PITPNC1: variants seen among roughly 807,000 people sequenced by gnomAD.
The protein encoded by PITPNC1 is phosphatidylinositol transfer protein cytoplasmic 1, also known as cytoplasmic phosphatidylinositol transfer protein 1.
A neutral mutation model predicts 44.7 loss-of-function variants in PITPNC1; 18 were observed. That is an observed-to-expected ratio of 0.40 (90% CI 0.28 to 0.60). The LOEUF is 0.60. PITPNC1 is among the 20% of genes least tolerant of loss of function. PITPNC1 has a pLI of 0.39. For missense variants in PITPNC1, 290 were observed against 418.4 expected (o/e 0.69, Z 2.68); for synonymous variants, 141 against 149.6 (o/e 0.94, Z 0.42).
chr17:67,459,113 CTTTTTTTTTT>C (rs886333854), intron 1 of PITPNC1, among the ~76,000 whole-genome samples: 2 of 95,732 alleles, frequency 2.1e-5, no homozygotes, highest in South Asian at 6.8e-4. Context: ...TTTTCTTTTT[CTTTTTTTTTT>C]TTTTTTTTTT....
At chr17:67,540,269 A>G (rs552429261) in intron 2 of PITPNC1, among the ~76,000 whole-genome samples, 4 of 151,958 alleles carry the variant, frequency 2.6e-5, no homozygotes, top group African/African-American at 9.7e-5. Context: ...ACGCCTGGCT[A>G]ATTTGTGTAT....
intron 2 of PITPNC1, among the ~76,000 whole-genome samples, chr17:67,547,558 C>T (rs924031983): frequency 1.3e-4 from 20 of 152,186 alleles, no homozygotes; most frequent in African/African-American, 4.6e-4. Flanking sequence ...TTAAGACCAC[C>T]GTAATTCTGA....
At chr17:67,585,187 G>C (rs2041297379) in intron 5 of PITPNC1, among the ~76,000 whole-genome samples, 1 of 151,216 alleles carries the variant, frequency 6.6e-6, no homozygotes. Context: ...GCAGATAATA[G>C]GCAAGTAAAC....
chr17:67,384,130 T>C (rs969041300), intron 1 of PITPNC1, among the ~76,000 whole-genome samples: 4 of 152,132 alleles, frequency 2.6e-5, no homozygotes, highest in Non-Finnish European at 4.4e-5. Context: ...GTGTATACTT[T>C]TAGGGATTGA....
intron 2 of PITPNC1, among the ~76,000 whole-genome samples, chr17:67,541,060 C>T (rs1022508288): frequency 5.3e-5 from 8 of 151,940 alleles, no homozygotes; most frequent in African/African-American, 1.9e-4. Context: ...GCTAAAAATG[C>T]AAAAATTCGC....
At chr17:67,479,080 C>G (rs1051365055) in intron 1 of PITPNC1, among the ~76,000 whole-genome samples, 1 of 151,990 alleles carries the variant, frequency 6.6e-6, no homozygotes, top group Non-Finnish European at 1.5e-5. Context: ...GAAAATCTCC[C>G]GATCCAAACC....
chr17:67,573,623 C>T (rs536475301), intron 4 of PITPNC1, among the ~76,000 whole-genome samples: 1 of 137,550 alleles, frequency 7.3e-6, no homozygotes, highest in South Asian at 2.3e-4. Context: ...AGTGCAGTGG[C>T]GCAACCTCAG....
chr17:67,620,549 AC>A lies in PITPNC1; in HGVS notation c.367-11593del, dbSNP rs148990077. Among the ~76,000 whole-genome samples the A allele has an allele frequency of 0.01, 1,582 of 152,106 alleles. 63 individuals are homozygous for A. The East Asian group carries it at 0.1, about 10-fold the overall frequency. ...TGCTGCATAGGCTTGTCGCCACCTC[AC>A]TGGGGACAGAATTTTCTCAGACACT... On this transcript the variant is annotated intron_variant, in intron 5 of 8. Coordinates refer to ENST00000581322, the MANE Select transcript of PITPNC1 (RefSeq NM_012417.4).
At chr17:67,685,287 A>G (rs933408448) in intron 8 of PITPNC1, among the ~76,000 whole-genome samples, 9 of 152,246 alleles carry the variant, frequency 5.9e-5, no homozygotes, top group Admixed American at 3.3e-4. Flanking sequence ...AGCATTCTTG[A>G]TACTTACATT....
chr17:67,553,543 C>T, intron 3 of PITPNC1, 67 bp from the exon 4 acceptor site: 1 of 710,998 alleles, frequency 1.4e-6, no homozygotes, highest in Non-Finnish European at 2.3e-6. Flanking sequence ...TGCATATAAG[C>T]ATGATCTAAA....
chr17:67,596,573 C>T (rs1031010596), intron 5 of PITPNC1, among the ~76,000 whole-genome samples: 3 of 152,028 alleles, frequency 2.0e-5, no homozygotes, highest in East Asian at 3.9e-4. Flanking sequence ...TGCAGTGGCC[C>T]GATCTCGGCT....
intron 1 of PITPNC1, among the ~76,000 whole-genome samples, chr17:67,402,987 G>A (rs913582299): frequency 2.0e-5 from 3 of 152,050 alleles, no homozygotes; most frequent in African/African-American, 7.2e-5. Context: ...TTTGATTCTT[G>A]CTTCTGTTAT....
intron 1 of PITPNC1, among the ~76,000 whole-genome samples, chr17:67,516,009 T>C (rs1038256506): frequency 6.6e-6 from 1 of 152,190 alleles, no homozygotes; most frequent in African/African-American, 2.4e-5. Context: ...CAGGAATTTA[T>C]GTAGGAGGAA....
At chr17:67,618,944 A>G (rs2041795886) in intron 5 of PITPNC1, among the ~76,000 whole-genome samples, 2 of 151,984 alleles carry the variant, frequency 1.3e-5, no homozygotes, top group Non-Finnish European at 2.9e-5. Flanking sequence ...TTGTAGTCCC[A>G]GCTACTCGGG....
chr17:67,615,693 A>G (rs1175917543), intron 5 of PITPNC1, among the ~76,000 whole-genome samples: 2 of 152,286 alleles, frequency 1.3e-5, no homozygotes, highest in East Asian at 3.9e-4. Flanking sequence ...CGATTTGTCA[A>G]TTGTAGAGAA....
chr17:67,597,344 A>G lies in PITPNC1; in HGVS notation c.366+19087A>G, dbSNP rs113562217. 3.3e-5 allele frequency among the ~76,000 whole-genome samples: 5 copies of G among 152,256 alleles called. No homozygotes were observed. The highest frequency in any genetic ancestry group is 1.2e-4 in the African/African-American group (5 of 41,558). ...CAAAGTGGGTATCTTACTTGAAGTC[A>G]GGAATTCGAGACCAGCCTGGCCAAC... On this transcript the variant is annotated intron_variant, in intron 5 of 8. Coordinates refer to ENST00000581322, the MANE Select transcript of PITPNC1 (RefSeq NM_012417.4). The surrounding 1 kb of genome is among the most constrained non-coding windows in gnomAD (Gnocchi z 4.0).
intron 1 of PITPNC1, among the ~76,000 whole-genome samples, chr17:67,506,623 A>G (rs2040105214): frequency 6.6e-6 from 1 of 152,162 alleles, no homozygotes; most frequent in Non-Finnish European, 1.5e-5. Flanking sequence ...ATAAAACCCC[A>G]ATTCAAATGA....
chr17:67,476,234 G>A (rs930920787), intron 1 of PITPNC1, among the ~76,000 whole-genome samples: 2 of 148,312 alleles, frequency 1.3e-5, no homozygotes, highest in African/African-American at 5.0e-5. Flanking sequence ...CACCCAGGCT[G>A]GAGTGCAGTG....
At chr17:67,543,810 GAGTACTAATGCATTAGTACATTTACATT>G (rs1291883775) in intron 2 of PITPNC1, among the ~76,000 whole-genome samples, 1 of 152,102 alleles carries the variant, frequency 6.6e-6, no homozygotes, top group Non-Finnish European at 1.5e-5. Flanking sequence ...TTTGGTATAT[GAGTACTAATGCATTAGTACATTTACATT>G]AGTACTAATA....
Sources: allele counts gnomAD v4.1 joint callset (sites outside exome capture counted in the v4.1 genomes callset), GRCh38; gene constraint gnomAD v4.1.1; non-coding constraint Gnocchi (gnomAD v3.1); transcripts MANE v1.5; gene names NCBI Gene and HGNC (gene_info 2026-07-23, HGNC 2026-07-21).